Variants in GABRG3 observed in about 807,000 individuals in gnomAD.
The protein encoded by GABRG3 is gamma-aminobutyric acid type A receptor subunit gamma3.
Under a neutral mutation model 48.8 loss-of-function variants are expected in GABRG3, and 25 were observed. The ratio of observed to expected loss-of-function variants is 0.51; its 90% CI spans 0.37 to 0.72. The LOEUF (loss-of-function observed/expected upper bound fraction) is 0.72. GABRG3 is among the 30% of genes least tolerant of loss of function. GABRG3 has a pLI of 0.00. For synonymous variants in GABRG3, 227 were observed against 217.6 expected, an observed-to-expected ratio of 1.04 and a Z score of -0.38; for missense variants, 394 against 577.9, an observed-to-expected ratio of 0.68 and a Z score of 3.26.
chr15:27,145,576 C>CT (rs1898183312), intron 3 of GABRG3, among the ~76,000 whole-genome samples: 1 of 119,682 alleles, frequency 8.4e-6, no homozygotes, highest in African/African-American at 2.9e-5. Context: ...TCTATTTACT[C>CT]TACTAGGCAT....
chr15:27,316,375 G>C (rs1170879923), intron 3 of GABRG3, among the ~76,000 whole-genome samples: 4 of 127,384 alleles, frequency 3.1e-5, no homozygotes, highest in Admixed American at 9.0e-5. Flanking sequence ...GCGACAGAGC[G>C]AGACTCCGTC....
intron 3 of GABRG3, among the ~76,000 whole-genome samples, chr15:27,271,821 C>T (rs558263563): frequency 6.6e-6 from 1 of 152,312 alleles, no homozygotes; most frequent in African/African-American, 2.4e-5. Context: ...GCTGTTAAAA[C>T]TTGTCTTTTC....
rs1399247845 is a variant in GABRG3, at chr15:27,534,706, G to C, written c.*1825G>C. Reference sequence around the variant, plus strand: ...GTATACCAGACACAGAAGAGGATGGGAGCAGAAGAGGCCAGAAAAAGTGAA... The same window carrying C: ...GTATACCAGACACAGAAGAGGATGGCAGCAGAAGAGGCCAGAAAAAGTGAA... On this transcript the variant is annotated 3_prime_UTR_variant, in exon 10 of 10. Coordinates refer to ENST00000615808, the MANE Select transcript of GABRG3 (RefSeq NM_033223.5). The C allele has an allele frequency of 1.3e-5, 2 of 152,182 alleles. No homozygotes were observed. The highest frequency in any genetic ancestry group is 2.4e-5 in the African/African-American group (1 of 41,438). The allele number at this position is 152,182 out of a possible 1,614,324, so 9.4% of individuals were successfully genotyped here. A position where few individuals can be genotyped will look rare whatever the true frequency, so the allele number is the denominator to read the frequency against.
At chr15:27,196,961 A>T (rs1888515996) in intron 3 of GABRG3, among the ~76,000 whole-genome samples, 1 of 152,174 alleles carries the variant, frequency 6.6e-6, no homozygotes, top group African/African-American at 2.4e-5. Flanking sequence ...AGGCCCAGTG[A>T]GGTGAAACAA....
At chr15:27,127,632 A>C (rs1047529277) in intron 3 of GABRG3, among the ~76,000 whole-genome samples, 1 of 152,114 alleles carries the variant, frequency 6.6e-6, no homozygotes, top group African/African-American at 2.4e-5. Context: ...GCCAGCCCCC[A>C]CACCTTTATA....
At chr15:27,325,328 A>T (rs1231706052) in intron 3 of GABRG3, among the ~76,000 whole-genome samples, 1 of 152,150 alleles carries the variant, frequency 6.6e-6, no homozygotes, top group Non-Finnish European at 1.5e-5. Flanking sequence ...ATTCAGACAG[A>T]CACATGGACT....
At chr15:27,369,891 C>T (rs74782090) in intron 5 of GABRG3, among the ~76,000 whole-genome samples, 9,454 of 151,338 alleles carry the variant, frequency 0.062, 991 homozygotes, top group African/African-American at 0.22. Context: ...CAGATCTCCA[C>T]CGTCCTCTTT....
At chr15:27,128,054 C>G (rs753637630) in intron 3 of GABRG3, among the ~76,000 whole-genome samples, 5 of 152,178 alleles carry the variant, frequency 3.3e-5, no homozygotes, top group Non-Finnish European at 7.3e-5. Context: ...AAAGGGAAAC[C>G]TTTCATCCTT....
intron 6 of GABRG3, among the ~76,000 whole-genome samples, chr15:27,513,264 G>A (rs913564783): frequency 2.6e-5 from 4 of 151,938 alleles, no homozygotes; most frequent in African/African-American, 4.8e-5. Context: ...TGGCTAACAC[G>A]GTGAAACCCT....
At chr15:27,043,605 C>T (rs756170563) in intron 3 of GABRG3, among the ~76,000 whole-genome samples, 2 of 152,192 alleles carry the variant, frequency 1.3e-5, no homozygotes, top group Admixed American at 6.5e-5. Context: ...CCCGCAGAGC[C>T]CCCTCCTCTG....
At chr15:26,995,658 C>CG (rs1433049756) in intron 2 of GABRG3, among the ~76,000 whole-genome samples, 1 of 151,734 alleles carries the variant, frequency 6.6e-6, no homozygotes, top group Admixed American at 6.6e-5. Context: ...AGCAAGCCTA[C>CG]GGCAATATAC....
rs996662164 is a variant in GABRG3, at chr15:27,180,873, C to G, written c.271-145936C>G. On this transcript the variant is annotated intron_variant, in intron 3 of 9. Coordinates refer to ENST00000615808, the MANE Select transcript of GABRG3 (RefSeq NM_033223.5). The surrounding 1 kb of genome is among the most constrained non-coding windows in gnomAD (Gnocchi z 4.2). ...TCTTATGTCTACTTAAGGCTGGAGG[C>G]TTGGACTAACCAATCTAACACAGGA... Among the ~76,000 whole-genome samples the G allele has an allele frequency of 1.2e-4, 19 of 152,116 alleles. No homozygotes were observed. Among genetic ancestry groups the G allele is most frequent in the African/African-American group, 4.3e-4 (18 of 41,428 alleles).
intron 5 of GABRG3, among the ~76,000 whole-genome samples, chr15:27,387,989 GGTAA>G (rs150625552): frequency 0.26 from 17,770 of 67,104 alleles, 3,716 homozygotes; most frequent in East Asian, 0.44. Flanking sequence ...AAGGAGGGAG[GGTAA>G]GGAAGGAAGG....
chr15:27,002,760 A>AAAAAAAAAAAAAAG (rs71130292), intron 2 of GABRG3, among the ~76,000 whole-genome samples: 1 of 125,928 alleles, frequency 7.9e-6, no homozygotes, highest in Non-Finnish European at 1.6e-5. Context: ...AAAAAAAAAA[A>AAAAAAAAAAAAAAG]AAAGGAAGGA....
chr15:27,474,935 G>T (rs1362716943), intron 5 of GABRG3, among the ~76,000 whole-genome samples: 1 of 152,030 alleles, frequency 6.6e-6, no homozygotes, highest in Admixed American at 6.6e-5. Flanking sequence ...TTTGAGACCA[G>T]CCTGACCAAC....
chr15:27,129,473 A>G (rs1438689698), intron 3 of GABRG3, among the ~76,000 whole-genome samples: 1 of 152,148 alleles, frequency 6.6e-6, no homozygotes, highest in African/African-American at 2.4e-5. Flanking sequence ...TGTTGCTTCT[A>G]CCTTCTGGTT....
intron 2 of GABRG3, among the ~76,000 whole-genome samples, chr15:27,012,736 T>C (rs561804679): frequency 6.6e-6 from 1 of 152,290 alleles, no homozygotes; most frequent in South Asian, 2.1e-4. Flanking sequence ...ACAGCTGGTT[T>C]ATTGATTAGT....
intron 5 of GABRG3, among the ~76,000 whole-genome samples, chr15:27,470,769 C>T (rs1889763935): frequency 6.6e-6 from 1 of 151,758 alleles, no homozygotes; most frequent in African/African-American, 2.4e-5. Context: ...TTTTTTAAAT[C>T]ATTTTTTTAA....
At chr15:27,355,149 G>A (rs1013948476) in intron 5 of GABRG3, among the ~76,000 whole-genome samples, 2 of 152,178 alleles carry the variant, frequency 1.3e-5, no homozygotes, top group African/African-American at 4.8e-5. Flanking sequence ...GACTGTTCAT[G>A]TCTCAATATG....
Sources: gnomAD v4.1 joint callset for allele counts (sites outside exome capture counted in the v4.1 genomes callset) on GRCh38, gnomAD v4.1.1 for gene constraint, Gnocchi (gnomAD v3.1) non-coding constraint, MANE v1.5 for transcripts, NCBI Gene and HGNC (gene_info 2026-07-23, HGNC 2026-07-21) for gene names.